The following ANKRD53 variants were observed in gnomAD, a reference collection of about 807,000 sequenced individuals.
ANKRD53 encodes the protein ankyrin repeat domain-containing protein 53.
ANKRD53 carries 27 observed loss-of-function variants against 30.1 expected under a neutral mutation model. That is an observed-to-expected ratio of 0.90 (90% CI 0.66 to 1.24). The LOEUF is 1.24. Ranked by LOEUF, ANKRD53 falls within the 50% of genes most tolerant of loss-of-function variation. The pLI, the probability that ANKRD53 is intolerant of heterozygous loss-of-function variation, is 0.00. For missense variants in ANKRD53, 682 were observed against 721.0 expected (o/e 0.95, Z 0.62); for synonymous variants, 286 against 295.4 (o/e 0.97, Z 0.33).
At position 70,985,137 on chromosome 2, in the gene ANKRD53, T is replaced by A. The variant is rs782575253; in HGVS notation, c.1430T>A (p.Ile477Asn). The A allele has an allele frequency of 6.4e-7, 1 of 1,551,244 alleles. No homozygotes were observed. Among genetic ancestry groups the A allele is most frequent in the Non-Finnish European group, 8.7e-7 (1 of 1,146,928 alleles). ...AAGGTGCCCCAGGGCTTTTACCCCA[T>A]CAGCATGAGGGAAGTGCCCAGGAAG... ...RMKVPQGFYP[I>N]SMREVPRKRH... The change falls in exon 6 of 6, where the codon ATC (isoleucine) becomes AAC (asparagine). Residue 477 changes from isoleucine to asparagine, a missense_variant. Physicochemically the swap from Ile to Asn is moderately radical, Grantham distance 149 (BLOSUM62 -3). Transcript: ENST00000360589.
chr2:70,980,583 G>A (rs10183200), intron 3 of ANKRD53, among the ~76,000 whole-genome samples: 49,716 of 151,264 alleles, frequency 0.33, 9,108 homozygotes, highest in African/African-American at 0.49. Context: ...TGGAGGTTGC[G>A]GTGGGCCGAG....
chr2:70,982,367 TG>T lies in ANKRD53; in HGVS notation c.783-208del. Reference sequence around the variant, plus strand: ...GGCCCCTGGCTCCTCAGCAGGAGGGTGGTGACCAGGTCATCAAGGACTTTCG... The same window carrying T: ...GGCCCCTGGCTCCTCAGCAGGAGGGTGTGACCAGGTCATCAAGGACTTTCG... On this transcript the variant is annotated intron_variant, in intron 4 of 5. Transcript: ENST00000360589. This position sits in a 1 kb window ranked among gnomAD's most constrained non-coding sequence, Gnocchi z 4.2. 1 of 770,132 alleles carries T rather than the reference TG, an allele frequency of 1.3e-6. No individual in the cohort carries two copies. Among genetic ancestry groups the T allele is most frequent in the Non-Finnish European group, 2.0e-6 (1 of 496,948 alleles). 47.7% of individuals were successfully genotyped at this position (770,132 alleles called of 1,614,324 possible). A position where few individuals can be genotyped will look rare whatever the true frequency, so the allele number is the denominator to read the frequency against.
intron 5 of ANKRD53, among the ~76,000 whole-genome samples, chr2:70,983,297 G>T (rs995939443): frequency 2.6e-5 from 4 of 152,186 alleles, no homozygotes; most frequent in African/African-American, 9.7e-5. Flanking sequence ...GGCATAAAGA[G>T]CAGCCGCATG....
In ANKRD53 at chr2:70,984,734, G is replaced by C; in HGVS notation, c.1027G>C (p.Glu343Gln). The C allele has an allele frequency of 6.2e-7, 1 of 1,605,588 alleles. No homozygotes were observed. The highest frequency in any genetic ancestry group is 1.3e-5 in the African/African-American group (1 of 74,856). Residue 343 changes from glutamate to glutamine, a missense_variant, in exon 6 of 6, where the codon GAG becomes CAG. By Grantham distance (29) the Glu-to-Gln change is conservative. Coordinates refer to ENST00000360589, the MANE Select transcript of ANKRD53 (RefSeq NM_001115116.2). ...ARATALSKTPEQRESQRSRSF... is the reference protein window; with the variant it reads ...ARATALSKTPQQRESQRSRSF... ...GGCCACCGCCCTCTCCAAGACCCCA[G>C]AGCAACGGGAATCGCAGCGTTCCAG...
chr2:70,982,207 C>T lies in ANKRD53; in HGVS notation c.782+107C>T, dbSNP rs1670032275. 5 of 1,330,730 alleles carry T rather than the reference C, an allele frequency of 3.8e-6. No homozygotes were observed. The highest frequency in any genetic ancestry group is 2.8e-5 in the Admixed American group (1 of 36,094). The allele number at this position is 1,330,730 out of a possible 1,614,324, so 82.4% of individuals were successfully genotyped here. On this transcript the variant is annotated intron_variant, in intron 4 of 5. Transcript: ENST00000360589. This position sits in a 1 kb window ranked among gnomAD's most constrained non-coding sequence, Gnocchi z 4.2. ...AGCCTTTAAGGGGAGGGTTGGGAAG[C>T]CAGACAGCTGGAGGATGCGCCTACT...
intron 3 of ANKRD53, 148 bp downstream of exon 3, chr2:70,980,008 A>G: frequency 1.1e-6 from 1 of 936,380 alleles, no homozygotes; most frequent in Non-Finnish European, 1.6e-6. Flanking sequence ...AGGAATCCAC[A>G]TGGTGTAATA....
Position 70,982,744 on chromosome 2 carries a change from T to A in ANKRD53, c.903+47T>A. On this transcript the variant is annotated intron_variant, in intron 5 of 5. Coordinates refer to ENST00000360589, the MANE Select transcript of ANKRD53 (RefSeq NM_001115116.2). This position sits in a 1 kb window ranked among gnomAD's most constrained non-coding sequence, Gnocchi z 4.2. Reference sequence around the variant, plus strand: ...CCAGGGGACAGCTGCTATCCAGGCATGTGAGCAGAGGGGGCAGTGACCCAC... The same window carrying A: ...CCAGGGGACAGCTGCTATCCAGGCAAGTGAGCAGAGGGGGCAGTGACCCAC... 1 of 1,604,304 alleles carries A rather than the reference T, an allele frequency of 6.2e-7. No homozygotes were observed. The highest frequency in any genetic ancestry group is 8.5e-7 in the Non-Finnish European group (1 of 1,174,438).
At position 70,985,161 on chromosome 2, in the gene ANKRD53, A is replaced by G. The variant is rs782404739; in HGVS notation, c.1454A>G (p.Lys485Arg). The G allele has an allele frequency of 6.4e-7, 1 of 1,551,258 alleles. No individual in the cohort carries two copies. The highest frequency in any genetic ancestry group is 1.2e-5 in the South Asian group (1 of 84,032). Residue 485 changes from lysine (K) to arginine (R), a missense_variant, in exon 6 of 6, where the codon AAG becomes AGG. Lys to Arg is a conservative substitution (Grantham distance 26). Coordinates refer to ENST00000360589, the MANE Select transcript of ANKRD53 (RefSeq NM_001115116.2). ...ATCAGCATGAGGGAAGTGCCCAGGA[A>G]GCGGCACCTGGGTGACAACACCTTC... is the stretch of plus-strand genomic sequence containing the variant. Reference protein sequence around the residue: ...YPISMREVPRKRHLGDNTFWT... With the variant: ...YPISMREVPRRRHLGDNTFWT...
Position 70,978,694 on chromosome 2 carries a change from C to T in ANKRD53, c.49C>T (p.His17Tyr). Residue 17 changes from histidine (H) to tyrosine (Y), a missense_variant, in exon 1 of 6, where the codon CAC becomes TAC. Coordinates refer to ENST00000360589, the MANE Select transcript of ANKRD53 (RefSeq NM_001115116.2). This position sits in a 1 kb window ranked among gnomAD's most constrained non-coding sequence, Gnocchi z 4.3. The stretch of plus-strand genomic sequence containing the variant: ...TCGGCGGGCGGGCTCCGGAAGCTGG[C>T]ACTCAGAAAGGGGAGAAGGGAGAGG... Reference protein sequence around the residue: ...TARRAGSGSWHSERGEGRGAR... With the variant: ...TARRAGSGSWYSERGEGRGAR... 1 of 1,545,208 alleles carries T rather than the reference C, an allele frequency of 6.5e-7. No individual in the cohort carries two copies. Among genetic ancestry groups the T allele is most frequent in the Non-Finnish European group, 8.7e-7 (1 of 1,145,452 alleles).
intron 5 of ANKRD53, 68 bp from the exon 6 acceptor site, chr2:70,984,543 G>C: frequency 6.4e-7 from 1 of 1,568,278 alleles, no homozygotes; most frequent in South Asian, 1.2e-5. Context: ...TACAGCCACA[G>C]GACCTCCTTG....
chr2:70,982,832 C>T lies in ANKRD53; in HGVS notation c.903+135C>T. The T allele has an allele frequency of 8.5e-7, 1 of 1,178,936 alleles. No homozygotes were observed. Among genetic ancestry groups the T allele is most frequent in the Non-Finnish European group, 1.2e-6 (1 of 866,290 alleles). The allele number at this position is 1,178,936 out of a possible 1,614,324, so 73.0% of individuals were successfully genotyped here. A position where few individuals can be genotyped will look rare whatever the true frequency, so the allele number is the denominator to read the frequency against. On this transcript the variant is annotated intron_variant, in intron 5 of 5. Coordinates refer to ENST00000360589, the MANE Select transcript of ANKRD53 (RefSeq NM_001115116.2). This position sits in a 1 kb window ranked among gnomAD's most constrained non-coding sequence, Gnocchi z 4.2. ...AAAGAGCCACCCTTTCGCCTGTACT[C>T]CCACCGGGTACTCTGACTGAAATTC...
Position 70,982,795 on chromosome 2 carries a change from A to G in ANKRD53, c.903+98A>G. On this transcript the variant is annotated intron_variant, in intron 5 of 5. Transcript: ENST00000360589. This position sits in a 1 kb window ranked among gnomAD's most constrained non-coding sequence, Gnocchi z 4.2. ...ATATTGTGGAGGAGTGGCTAGAAGC[A>G]CTCCCACCCTGAAAGAGCCACCCTT... 2 of 1,482,548 alleles carry G rather than the reference A, an allele frequency of 1.3e-6. No individual in the cohort carries two copies. Among genetic ancestry groups the G allele is most frequent in the Non-Finnish European group, 1.8e-6 (2 of 1,106,576 alleles). The allele number at this position is 1,482,548 out of a possible 1,614,324, so 91.8% of individuals were successfully genotyped here. A position where few individuals can be genotyped will look rare whatever the true frequency, so the allele number is the denominator to read the frequency against.
At chr2:70,983,322 C>T (rs1476583405) in intron 5 of ANKRD53, among the ~76,000 whole-genome samples, 1 of 152,186 alleles carries the variant, frequency 6.6e-6, no homozygotes, top group Non-Finnish European at 1.5e-5. Flanking sequence ...GGCATAGAGG[C>T]ACCTGGGAAC....
chr2:70,978,848 G>A lies in ANKRD53; in HGVS notation c.170+33G>A, dbSNP rs782602953. On this transcript the variant is annotated intron_variant, in intron 1 of 5. Transcript: ENST00000360589. The surrounding 1 kb of genome is among the most constrained non-coding windows in gnomAD (Gnocchi z 4.3). ...GCGGGAGAAGGTGTCCCGGCTGCAG[G>A]GAGCGAGAACCCGGCCCAGCGCCTC... 2.6e-6 allele frequency: 4 copies of A among 1,538,752 alleles called. No homozygotes were observed. The highest frequency in any genetic ancestry group is 3.5e-6 in the Non-Finnish European group (4 of 1,141,768).
rs782423366 is a variant in ANKRD53 at position 70,979,672 on chromosome 2, C to A, written c.429C>A (p.Ala143=). 9.3e-6 allele frequency: 15 copies of A among 1,613,700 alleles called. No individual in the cohort carries two copies. Among genetic ancestry groups the A allele is most frequent in the Non-Finnish European group, 1.2e-5 (14 of 1,179,826 alleles). ...TCTGAACCTCACAGGGCTTCACTGC[C>A]ATCCACTTCGCCGCCCAATGGGGCA... ...EIPTDDKGFT[A]IHFAAQWGKL... is the part of the protein sequence containing the mutation. Residue 143 remains alanine (A), a synonymous_variant, in exon 3 of 6, where the codon GCC becomes GCA. Transcript: ENST00000360589.
In ANKRD53 at chr2:70,979,275, G is replaced by A. The variant is rs781906105; in HGVS notation, c.349G>A (p.Val117Met). 6.2e-7 allele frequency: 1 copy of A among 1,613,774 alleles called. No homozygotes were observed. The highest frequency in any genetic ancestry group is 8.5e-7 in the Non-Finnish European group (1 of 1,180,044). ...CTACTACCAGCTGTTCGCAGCGGCT[G>A]TGGGCAACGTGGAATGGCTGCGATT... Reference protein sequence around the residue: ...GSYYQLFAAAVGNVEWLRFCL... With the variant: ...GSYYQLFAAAMGNVEWLRFCL... Residue 117 changes from valine to methionine, a missense_variant, in exon 2 of 6, where the codon GTG (valine) becomes ATG (methionine). Coordinates refer to ENST00000360589, the MANE Select transcript of ANKRD53 (RefSeq NM_001115116.2).
Position 70,978,886 on chromosome 2 carries a change from G to A in ANKRD53, c.170+71G>A. On this transcript the variant is annotated intron_variant, in intron 1 of 5. Coordinates refer to ENST00000360589, the MANE Select transcript of ANKRD53 (RefSeq NM_001115116.2). This position sits in a 1 kb window ranked among gnomAD's most constrained non-coding sequence, Gnocchi z 4.3. ...GGCCCAGCGCCTCCCTGGTGGGCAG[G>A]GCCTGGAGCGGGCGGGGGCGGAGGC... 1 of 1,493,844 alleles carries A rather than the reference G, an allele frequency of 6.7e-7. No individual in the cohort carries two copies. The highest frequency in any genetic ancestry group is 1.4e-5 in the African/African-American group (1 of 69,454). The allele number at this position is 1,493,844 out of a possible 1,614,324, so 92.5% of individuals were successfully genotyped here.
intron 5 of ANKRD53, chr2:70,984,258 T>G (rs782683624): frequency 1.9e-6 from 3 of 1,614,078 alleles, no homozygotes; most frequent in Middle Eastern, 3.3e-4. Flanking sequence ...CTGTAAGACT[T>G]GAGGTTTTCC....
In ANKRD53 at chr2:70,982,250, T is replaced by A. The variant is rs1670035183; in HGVS notation, c.782+150T>A. On this transcript the variant is annotated intron_variant, in intron 4 of 5. Transcript: ENST00000360589. The surrounding 1 kb of genome is among the most constrained non-coding windows in gnomAD (Gnocchi z 4.2). Reference sequence around the variant, plus strand: ...CGCCTACTGCCCAGGATATTTTGGATGAGGCAATCACCTCATCACCTGGGC... The same window carrying A: ...CGCCTACTGCCCAGGATATTTTGGAAGAGGCAATCACCTCATCACCTGGGC... The A allele has an allele frequency of 1.0e-6, 1 of 985,434 alleles. No homozygotes were observed. Among genetic ancestry groups the A allele is most frequent in the African/African-American group, 1.6e-5 (1 of 60,714 alleles). 61.0% of individuals were successfully genotyped at this position (985,434 alleles called of 1,614,324 possible).
Sources: allele counts gnomAD v4.1 joint callset (sites outside exome capture counted in the v4.1 genomes callset), GRCh38; gene constraint gnomAD v4.1.1; non-coding constraint Gnocchi (gnomAD v3.1); transcripts MANE v1.5; gene names NCBI Gene and HGNC (gene_info 2026-07-23, HGNC 2026-07-21).